Variants in GRM7 observed in about 807,000 individuals in gnomAD.
GRM7 encodes metabotropic glutamate receptor 7.
GRM7 carries 35 observed loss-of-function variants against 84.5 expected under a neutral mutation model. The observed-to-expected ratio is 0.41, with a 90% CI of 0.32 to 0.55. GRM7 has a LOEUF of 0.55. Ranked by LOEUF, GRM7 falls within the 20% of genes least tolerant of loss-of-function variation. The pLI is 0.19. For missense variants in GRM7, 1,003 were observed against 1,194.6 expected, an observed-to-expected ratio of 0.84 and a Z score of 2.36; for synonymous variants, 487 against 455.1, an observed-to-expected ratio of 1.07 and a Z score of -0.89.
chr3:6,873,352 C>T (rs576728538), intron 1 of GRM7, among the ~76,000 whole-genome samples: 53 of 152,252 alleles, frequency 3.5e-4, no homozygotes, highest in Non-Finnish European at 6.3e-4. Flanking sequence ...GGATTACGGG[C>T]GTGAGCCACC....
chr3:7,482,323 G>T (rs1319127276), intron 7 of GRM7, among the ~76,000 whole-genome samples: 6 of 152,150 alleles, frequency 3.9e-5, no homozygotes, highest in Non-Finnish European at 8.8e-5. Context: ...TCTAGACAAA[G>T]AATCTGCCAC....
At chr3:7,457,294 T>C (rs1012222517) in intron 6 of GRM7, among the ~76,000 whole-genome samples, 6 of 152,180 alleles carry the variant, frequency 3.9e-5, no homozygotes, top group Non-Finnish European at 8.8e-5. Context: ...TACAGTTTCA[T>C]CAAGTATTTA....
At chr3:6,992,703 C>T (rs1694688734) in intron 1 of GRM7, among the ~76,000 whole-genome samples, 1 of 152,096 alleles carries the variant, frequency 6.6e-6, no homozygotes, top group Non-Finnish European at 1.5e-5. Context: ...CCACAGGAGC[C>T]ATAACCATGA....
At chr3:7,019,406 G>A (rs1695690349) in intron 1 of GRM7, among the ~76,000 whole-genome samples, 1 of 152,138 alleles carries the variant, frequency 6.6e-6, no homozygotes, top group African/African-American at 2.4e-5. Flanking sequence ...CTCATACAGA[G>A]TATTTTCACT....
At position 7,249,368 on chromosome 3, in the gene GRM7, C is replaced by T. The variant is rs571836490; in HGVS notation, c.737-49316C>T. Among the ~76,000 whole-genome samples, 17 of 152,066 alleles carry T rather than the reference C, an allele frequency of 1.1e-4. No individual in the cohort carries two copies. The East Asian group carries it at 2.5e-3, about 23-fold the overall frequency. ...CATTTTTTAATTGTGCTTTCTTTGGCCTTTATAATTTCTTTATCATTTCTT... is the reference window on the plus strand; with the variant it reads ...CATTTTTTAATTGTGCTTTCTTTGGTCTTTATAATTTCTTTATCATTTCTT... On this transcript the variant is annotated intron_variant, in intron 2 of 9. Coordinates refer to ENST00000357716, the MANE Select transcript of GRM7 (RefSeq NM_000844.4).
intron 8 of GRM7, among the ~76,000 whole-genome samples, chr3:7,604,275 G>C (rs1696457283): frequency 6.6e-6 from 1 of 152,100 alleles, no homozygotes; most frequent in Non-Finnish European, 1.5e-5. Context: ...CTTAGGCCTA[G>C]CCTGATTATT....
At chr3:7,688,455 A>G (rs896426481) in intron 9 of GRM7, among the ~76,000 whole-genome samples, 2 of 152,052 alleles carry the variant, frequency 1.3e-5, no homozygotes, top group Non-Finnish European at 2.9e-5. Context: ...TACAAATAAT[A>G]ATTATATTTG....
intron 1 of GRM7, among the ~76,000 whole-genome samples, chr3:6,890,031 T>C (rs1238187376): frequency 1.3e-5 from 2 of 152,208 alleles, no homozygotes; most frequent in Admixed American, 6.5e-5. Flanking sequence ...GAGGTGTTTG[T>C]AGTATTCTCT....
intron 7 of GRM7, among the ~76,000 whole-genome samples, chr3:7,472,362 G>C (rs1321158534): frequency 8.2e-6 from 1 of 121,934 alleles, no homozygotes; most frequent in Non-Finnish European, 1.5e-5. Flanking sequence ...AAATAGGAAT[G>C]TTAAGTTTTA....
chr3:7,654,492 C>T (rs529347645), intron 8 of GRM7, among the ~76,000 whole-genome samples: 6 of 152,284 alleles, frequency 3.9e-5, no homozygotes, highest in African/African-American at 1.4e-4. Context: ...CAGAAGCTGT[C>T]CTTCCTGGAT....
chr3:7,252,684 T>TTTTTC (rs1698040278), intron 2 of GRM7, among the ~76,000 whole-genome samples: 2 of 118,234 alleles, frequency 1.7e-5, no homozygotes, highest in Admixed American at 9.8e-5. Flanking sequence ...TTCTTTTCTT[T>TTTTTC]TTTTCTTTTC....
chr3:7,050,834 A>G (rs912180362), intron 1 of GRM7, among the ~76,000 whole-genome samples: 3 of 151,848 alleles, frequency 2.0e-5, no homozygotes, highest in South Asian at 2.1e-4. Context: ...CAACCTATAA[A>G]TTATTCCTCC....
intron 2 of GRM7, among the ~76,000 whole-genome samples, chr3:7,268,951 T>G (rs1284477377): frequency 6.6e-6 from 1 of 152,206 alleles, no homozygotes; most frequent in East Asian, 1.9e-4. Flanking sequence ...AGAATTGTTT[T>G]GGGGAGGGAG....
At chr3:7,680,755 G>T in intron 9 of GRM7, 1 of 172,346 alleles carries the variant, frequency 5.8e-6, no homozygotes. Flanking sequence ...GTACTAATCA[G>T]GTCTTCTAGA....
chr3:7,587,534 G>C (rs1417517203), intron 8 of GRM7, among the ~76,000 whole-genome samples: 3 of 152,198 alleles, frequency 2.0e-5, no homozygotes, highest in Non-Finnish European at 4.4e-5. Flanking sequence ...GAGACGGGTA[G>C]AGGCAAAGCC....
intron 7 of GRM7, among the ~76,000 whole-genome samples, chr3:7,480,078 C>T (rs903027724): frequency 6.6e-6 from 1 of 151,990 alleles, no homozygotes; most frequent in East Asian, 1.9e-4. Context: ...CTCCTGTGTG[C>T]ACTGCTTTGT....
intron 1 of GRM7, among the ~76,000 whole-genome samples, chr3:7,026,340 A>T (rs1420525814): frequency 6.6e-6 from 1 of 152,222 alleles, no homozygotes; most frequent in African/African-American, 2.4e-5. Flanking sequence ...AAATACCATC[A>T]TATGAATAGC....
rs530523083 is a variant in GRM7 at position 6,949,941 on chromosome 3, CT to C, written c.519+88035del. ...TAACGACTTCTCTGCATTGGTTATT[CT>C]AGTTATCCATTCGTCTAATTTTTTT... is the stretch of plus-strand genomic sequence containing the variant. On this transcript the variant is annotated intron_variant, in intron 1 of 9. Coordinates refer to ENST00000357716, the MANE Select transcript of GRM7 (RefSeq NM_000844.4). Among the ~76,000 whole-genome samples, 18 of 152,272 alleles carry C rather than the reference CT, an allele frequency of 1.2e-4. No individual in the cohort carries two copies. In the East Asian group the frequency reaches 2.9e-3, roughly 25 times the overall value.
chr3:7,144,133 T>C (rs2125064839), intron 1 of GRM7, among the ~76,000 whole-genome samples: 1 of 152,322 alleles, frequency 6.6e-6, no homozygotes, highest in Admixed American at 6.5e-5. Context: ...TCAGCCTGGA[T>C]TCCATTAATC....
Sources: gnomAD v4.1 joint callset for allele counts (sites outside exome capture counted in the v4.1 genomes callset) on GRCh38, gnomAD v4.1.1 for gene constraint, MANE v1.5 for transcripts, NCBI Gene and HGNC (gene_info 2026-07-23, HGNC 2026-07-21) for gene names.